Variants in SYT14 observed in about 807,000 individuals in gnomAD.
The protein encoded by SYT14 is synaptotagmin 14, also known as synaptotagmin-14.
Under a neutral mutation model 74.2 loss-of-function variants are expected in SYT14, and 32 were observed. The observed-to-expected ratio is 0.43, with a 90% CI of 0.33 to 0.58. The LOEUF is 0.58. SYT14 is among the 20% of genes least tolerant of loss of function. The pLI is 0.05. For synonymous variants in SYT14, 298 were observed against 337.7 expected (o/e 0.88, Z 1.29); for missense variants, 791 against 981.8 (o/e 0.81, Z 2.60).
At chr1:210,087,597 G>A (rs1401601686) in intron 5 of SYT14, among the ~76,000 whole-genome samples, 2 of 152,050 alleles carry the variant, frequency 1.3e-5, no homozygotes, top group African/African-American at 2.4e-5. Flanking sequence ...AGCATGCTCT[G>A]TAGGACTGCC....
intron 5 of SYT14, among the ~76,000 whole-genome samples, chr1:210,041,377 T>C (rs1403793971): frequency 6.6e-6 from 1 of 152,168 alleles, no homozygotes; most frequent in East Asian, 1.9e-4. Context: ...AAAGCTATAC[T>C]CATACTGTGT....
intron 7 of SYT14, among the ~76,000 whole-genome samples, chr1:210,131,349 T>A (rs1416068271): frequency 2.6e-5 from 4 of 152,032 alleles, no homozygotes; most frequent in East Asian, 3.9e-4. Context: ...TTTTAAAAAA[T>A]TTTCTCCCTT....
chr1:209,974,226 TTTGTCAA>T (rs1247559400), intron 2 of SYT14, among the ~76,000 whole-genome samples: 1 of 152,164 alleles, frequency 6.6e-6, no homozygotes, highest in African/African-American at 2.4e-5. Context: ...TTAGATCCCA[TTTGTCAA>T]TTTTGGCTTT....
At chr1:210,029,736 T>C (rs1230526454) in intron 5 of SYT14, among the ~76,000 whole-genome samples, 5 of 152,186 alleles carry the variant, frequency 3.3e-5, no homozygotes, top group African/African-American at 1.2e-4. Flanking sequence ...TTGGGATCTC[T>C]TTGAGATTCC....
intron 1 of SYT14, among the ~76,000 whole-genome samples, chr1:209,951,655 A>C (rs1267950136): frequency 6.6e-6 from 1 of 152,208 alleles, no homozygotes; most frequent in Non-Finnish European, 1.5e-5. Context: ...GACATATGTT[A>C]TATAAAAAGG....
At chr1:210,158,551 C>A (rs772046729) in intron 8 of SYT14, among the ~76,000 whole-genome samples, 1 of 152,074 alleles carries the variant, frequency 6.6e-6, no homozygotes, top group East Asian at 1.9e-4. Flanking sequence ...CTGATAGAAA[C>A]AGAGCAACAA....
intron 7 of SYT14, among the ~76,000 whole-genome samples, chr1:210,131,947 CA>C (rs1196078788): frequency 6.6e-6 from 1 of 151,398 alleles, no homozygotes; most frequent in South Asian, 2.1e-4. Context: ...AGCCTCATAC[CA>C]GGCTGGCCCT....
intron 2 of SYT14, among the ~76,000 whole-genome samples, chr1:209,985,814 T>C (rs1185459668): frequency 1.3e-5 from 2 of 152,222 alleles, no homozygotes; most frequent in Admixed American, 6.5e-5. Context: ...TAACACTACA[T>C]GGAAGCCTCC....
At chr1:210,082,022 G>C (rs1357538243) in intron 5 of SYT14, among the ~76,000 whole-genome samples, 1 of 152,212 alleles carries the variant, frequency 6.6e-6, no homozygotes, top group African/African-American at 2.4e-5. Context: ...TAAATGTTAA[G>C]ATTTTCAGTT....
chr1:210,163,669 T>C (rs951163716), exon 10 of SYT14: 1 of 453,794 alleles, frequency 2.2e-6, no homozygotes, highest in Non-Finnish European at 4.4e-6. Flanking sequence ...AAAATATACA[T>C]TTGTTTCTGT....
chr1:210,118,591 T>C (rs1558201201), intron 7 of SYT14, among the ~76,000 whole-genome samples: 2 of 151,988 alleles, frequency 1.3e-5, no homozygotes. Context: ...ATTCTCCTGC[T>C]TCAGCCTCCC....
intron 4 of SYT14, among the ~76,000 whole-genome samples, chr1:210,019,628 A>G (rs2080262494): frequency 6.6e-6 from 1 of 152,212 alleles, no homozygotes; most frequent in East Asian, 1.9e-4. Context: ...AACTAGGACT[A>G]GACTAGATGA....
At chr1:209,996,379 T>C (rs537034351) in intron 2 of SYT14, among the ~76,000 whole-genome samples, 7 of 152,142 alleles carry the variant, frequency 4.6e-5, no homozygotes, top group African/African-American at 1.7e-4. Context: ...CCTGGAAACA[T>C]GCAGTCTTCC....
chr1:210,122,269 C>T lies in SYT14; in HGVS notation c.2034+21808C>T, dbSNP rs1206296796. Among the ~76,000 whole-genome samples, 8 of 150,776 alleles carry T rather than the reference C, an allele frequency of 5.3e-5. 3 individuals carry two copies. The East Asian group carries it at 5.9e-4, about 11-fold the overall frequency. ...CTGGGATTACAGGCGTGAGCCACCG[C>T]GCCCGGCCCAAATCCTGAAACTTTT... is the stretch of plus-strand genomic sequence containing the variant. On this transcript the variant is annotated intron_variant, in intron 7 of 9. Transcript: ENST00000637265.
At chr1:210,107,666 T>C (rs1273034861) in intron 7 of SYT14, among the ~76,000 whole-genome samples, 1 of 152,174 alleles carries the variant, frequency 6.6e-6, no homozygotes, top group Admixed American at 6.5e-5. Context: ...GGAAGAAATA[T>C]TTATGTAAAG....
rs550121235 is a variant in SYT14, at chr1:210,042,441, A to G, written c.1312+21187A>G. Among the ~76,000 whole-genome samples the G allele has an allele frequency of 2.2e-4, 34 of 152,288 alleles. No homozygotes were observed. The South Asian group carries it at 6.2e-3, about 28-fold the overall frequency. On this transcript the variant is annotated intron_variant, in intron 5 of 9. Coordinates refer to ENST00000637265, the Ensembl canonical transcript of SYT14. ...AGTCATGAAGTCTTTGTCCATGCCT[A>G]TGTCCTGAATGGTATTGCCTAGGTT...
At chr1:210,016,627 C>A in exon 4 of SYT14, 1 of 1,231,778 alleles carries the variant, frequency 8.1e-7, no homozygotes, top group Non-Finnish European at 1.0e-6. Context: ...ACGGAATAAA[C>A]AAATTGTATG....
At chr1:210,062,928 G>A (rs995920727) in intron 5 of SYT14, among the ~76,000 whole-genome samples, 7 of 150,152 alleles carry the variant, frequency 4.7e-5, no homozygotes, top group Non-Finnish European at 1.0e-4. Flanking sequence ...AAATTTGACC[G>A]TTTTTCTTTT....
intron 7 of SYT14, among the ~76,000 whole-genome samples, chr1:210,133,674 A>C (rs1370992182): frequency 6.6e-6 from 1 of 152,142 alleles, no homozygotes; most frequent in East Asian, 1.9e-4. Flanking sequence ...TACTTTCTGA[A>C]GTATTATTCC....
Sources: gnomAD v4.1 joint callset for allele counts (sites outside exome capture counted in the v4.1 genomes callset) on GRCh38, gnomAD v4.1.1 for gene constraint, MANE v1.5 for transcripts, NCBI Gene and HGNC (gene_info 2026-07-23, HGNC 2026-07-21) for gene names.